CERT1: variants seen among roughly 807,000 people sequenced by gnomAD.
CERT1 encodes ceramide transporter 1.
In CERT1, 31 loss-of-function variants were observed where a neutral mutation model predicts 87.9. The observed-to-expected ratio is 0.35, with a 90% CI of 0.27 to 0.48. The LOEUF (loss-of-function observed/expected upper bound fraction) is 0.48. CERT1 is among the 20% of genes least tolerant of loss of function. The pLI, the probability that CERT1 is intolerant of heterozygous loss-of-function variation, is 0.99. For synonymous variants in CERT1, 289 were observed against 250.9 expected (o/e 1.15, Z -1.44); for missense variants, 487 against 758.0 (o/e 0.64, Z 4.20).
chr5:75,436,940 A>T (rs1283297683), intron 3 of CERT1, among the ~76,000 whole-genome samples: 1 of 151,966 alleles, frequency 6.6e-6, no homozygotes, highest in African/African-American at 2.4e-5. Flanking sequence ...AAGATGCCCC[A>T]CTAATTTATT....
At chr5:75,412,350 T>A (rs951669148) in intron 7 of CERT1, among the ~76,000 whole-genome samples, 5 of 152,214 alleles carry the variant, frequency 3.3e-5, no homozygotes, top group Admixed American at 2.6e-4. Context: ...TCACTCTGGC[T>A]ACAGGAAATG....
chr5:75,501,238 C>G (rs1158705473), intron 2 of CERT1, among the ~76,000 whole-genome samples: 2 of 152,160 alleles, frequency 1.3e-5, no homozygotes, highest in African/African-American at 4.8e-5. Flanking sequence ...GCAGCAACCC[C>G]CTACCTCACC....
downstream of CERT1, chr5:75,374,790 C>T (rs1761228763): frequency 3.7e-6 from 2 of 544,200 alleles, no homozygotes; most frequent in Admixed American, 1.9e-5. Flanking sequence ...GCCCCATGAC[C>T]CCCACCAAAG....
At chr5:75,500,447 G>A (rs545287944) in intron 2 of CERT1, among the ~76,000 whole-genome samples, 2 of 152,060 alleles carry the variant, frequency 1.3e-5, no homozygotes, top group African/African-American at 4.8e-5. Flanking sequence ...AATATTTTAA[G>A]TACTTTCTAC....
rs150768304 is a variant in CERT1, at chr5:75,406,904, G to C, written c.931-3846C>G. ...TTATAAAGTAATTTCTGAGGCTACA[G>C]AAGTCAGAAACACTTAGAACTTTTT... On this transcript the variant is annotated intron_variant, in intron 8 of 16. Transcript: ENST00000643780. 2.6e-5 allele frequency among the ~76,000 whole-genome samples: 4 copies of C among 152,264 alleles called. No homozygotes were observed. The East Asian group carries it at 7.7e-4, about 29-fold the overall frequency.
chr5:75,397,715 G>C (rs904861415), intron 11 of CERT1, among the ~76,000 whole-genome samples: 23 of 152,090 alleles, frequency 1.5e-4, no homozygotes, highest in African/African-American at 5.3e-4. Context: ...ATGAATATGA[G>C]TCTCTTTTTA....
intron 3 of CERT1, among the ~76,000 whole-genome samples, chr5:75,455,040 G>C (rs1304368058): frequency 6.6e-6 from 1 of 152,152 alleles, no homozygotes; most frequent in East Asian, 1.9e-4. Flanking sequence ...GTGGTCTGCT[G>C]CCGGTCTGAA....
Position 75,399,406 on chromosome 5 carries a change from G to GA in CERT1, c.1111-20dup, listed in dbSNP as rs747050315. ...TATAGGGCTACCAGAGACAGACAAA[G>GA]AAAAAACCAAGTAATCAGAACAAAG... On this transcript the variant is annotated intron_variant, in intron 10 of 16. Coordinates refer to ENST00000643780, the MANE Select transcript of CERT1 (RefSeq NM_001379029.1). 4 of 1,590,056 alleles carry GA rather than the reference G, an allele frequency of 2.5e-6. No individual in the cohort carries two copies. The highest frequency in any genetic ancestry group is 1.3e-5 in the African/African-American group (1 of 74,414).
chr5:75,492,897 TG>T (rs1262355509), intron 2 of CERT1, among the ~76,000 whole-genome samples: 1 of 152,216 alleles, frequency 6.6e-6, no homozygotes, highest in African/African-American at 2.4e-5. Context: ...CAGAATCATT[TG>T]AAGGGTTTGT....
At position 75,403,026 on chromosome 5, in the gene CERT1, C is replaced by T; in HGVS notation, c.963G>A (p.Glu321=). ...EGPNSLINEE[E]FFDAVEAALD... is the part of the protein sequence containing the mutation. ...GAGCAGCTTCAACAGCATCAAAGAA[C>T]TCTTCTTCATTAATCAGACTGTTAG... The change falls in exon 9 of 17, where the codon GAG becomes GAA. Residue 321 remains glutamate (E), a synonymous_variant. Transcript: ENST00000643780. The T allele has an allele frequency of 6.2e-7, 1 of 1,613,400 alleles. No homozygotes were observed. Among genetic ancestry groups the T allele is most frequent in the Non-Finnish European group, 8.5e-7 (1 of 1,179,420 alleles).
At chr5:75,478,448 C>G (rs1766074781) in intron 2 of CERT1, among the ~76,000 whole-genome samples, 1 of 152,040 alleles carries the variant, frequency 6.6e-6, no homozygotes, top group Admixed American at 6.5e-5. Flanking sequence ...TCTAAGTGTG[C>G]AGTGACGGAG....
chr5:75,377,319 C>T (rs1010779379), downstream of CERT1: 3 of 152,160 alleles, frequency 2.0e-5, no homozygotes, highest in Admixed American at 2.0e-4. Flanking sequence ...TTACTATAAC[C>T]TCTATGAAAA....
intron 2 of CERT1, among the ~76,000 whole-genome samples, chr5:75,473,533 G>A (rs369398404): frequency 1.2e-4 from 18 of 152,162 alleles, no homozygotes; most frequent in African/African-American, 3.4e-4. Flanking sequence ...TGATCTCATG[G>A]AAATAGAGAG....
At chr5:75,447,854 T>G (rs751187323) in intron 3 of CERT1, among the ~76,000 whole-genome samples, 1 of 152,080 alleles carries the variant, frequency 6.6e-6, no homozygotes, top group Non-Finnish European at 1.5e-5. Flanking sequence ...TAGCTCACTG[T>G]AGCCTCAAAC....
At chr5:75,403,611 G>C (rs1057464103) in intron 8 of CERT1, among the ~76,000 whole-genome samples, 11 of 152,216 alleles carry the variant, frequency 7.2e-5, no homozygotes, top group African/African-American at 2.7e-4. Context: ...AAGAACTATA[G>C]CTAATAAGTA....
At chr5:75,432,453 T>C (rs967984745) in intron 3 of CERT1, among the ~76,000 whole-genome samples, 2 of 152,252 alleles carry the variant, frequency 1.3e-5, no homozygotes, top group African/African-American at 4.8e-5. Flanking sequence ...TTTACATTTA[T>C]CTAACAAACA....
At chr5:75,465,632 G>C (rs951266175) in intron 2 of CERT1, among the ~76,000 whole-genome samples, 1 of 152,170 alleles carries the variant, frequency 6.6e-6, no homozygotes, top group Non-Finnish European at 1.5e-5. Context: ...GGTAGACTAG[G>C]CAACAAAAAC....
chr5:75,390,322 T>A (rs1223084135), intron 11 of CERT1, among the ~76,000 whole-genome samples: 1 of 152,202 alleles, frequency 6.6e-6, no homozygotes, highest in Non-Finnish European at 1.5e-5. Context: ...AATCAAACCT[T>A]TATTTATTTG....
In CERT1 at chr5:75,411,061, C is replaced by T. The variant is rs1341590769; in HGVS notation, c.880G>A (p.Ala294Thr). ...KRRTEEAYKN[A>T]MTELKKKSHF... Reference sequence around the variant, plus strand: ...GATTTTTTCTTAAGTTCTGTCATTGCATTTTTATATGCTTCCTCTGTTCTT... The same window carrying T: ...GATTTTTTCTTAAGTTCTGTCATTGTATTTTTATATGCTTCCTCTGTTCTT... Residue 294 changes from alanine (A) to threonine (T), a missense_variant, in exon 8 of 17, where the codon GCA becomes ACA. Transcript: ENST00000643780. 17 of 1,595,476 alleles carry T rather than the reference C, an allele frequency of 1.1e-5. No individual in the cohort carries two copies. Among genetic ancestry groups the T allele is most frequent in the Non-Finnish European group, 1.4e-5 (16 of 1,169,120 alleles).
Sources: allele counts gnomAD v4.1 joint callset (sites outside exome capture counted in the v4.1 genomes callset), GRCh38; gene constraint gnomAD v4.1.1; transcripts MANE v1.5; gene names NCBI Gene and HGNC (gene_info 2026-07-23, HGNC 2026-07-21).